The following STPG2 variants were observed in gnomAD, a reference collection of about 807,000 sequenced individuals.
STPG2 encodes the protein sperm-tail PG-rich repeat-containing protein 2.
In STPG2, 56 loss-of-function variants were observed where a neutral mutation model predicts 54.2. The observed-to-expected ratio is 1.03, with a 90% confidence interval of 0.83 to 1.29. The LOEUF is 1.29. STPG2 is among the 50% of genes most tolerant of loss of function. The pLI, the probability that STPG2 is intolerant of heterozygous loss-of-function variation, is 0.00. For synonymous variants in STPG2, 200 were observed against 181.8 expected, an observed-to-expected ratio of 1.10 and a Z score of -0.81; for missense variants, 596 against 544.9, an observed-to-expected ratio of 1.09 and a Z score of -0.93.
chr4:97,457,270 T>G (rs1258344934), intron 4 of STPG2, among the ~76,000 whole-genome samples: 1 of 152,242 alleles, frequency 6.6e-6, no homozygotes, highest in Non-Finnish European at 1.5e-5. Flanking sequence ...CCAGATGAAA[T>G]GAACACTTAT....
chr4:98,132,929 T>G (rs978817439), intron 2 of STPG2, among the ~76,000 whole-genome samples: 3 of 142,774 alleles, frequency 2.1e-5, no homozygotes, highest in African/African-American at 7.9e-5. Context: ...TTAGAAAAAT[T>G]TTTACCCCTG....
chr4:97,794,780 C>T (rs1026799370), intron 9 of STPG2, among the ~76,000 whole-genome samples: 3 of 152,108 alleles, frequency 2.0e-5, no homozygotes, highest in African/African-American at 7.2e-5. Flanking sequence ...AACAATAGTG[C>T]AGTTTTTCCA....
intron 5 of STPG2, among the ~76,000 whole-genome samples, chr4:98,068,066 A>T (rs1027013126): frequency 6.6e-6 from 1 of 152,074 alleles, no homozygotes; most frequent in African/African-American, 2.4e-5. Flanking sequence ...AGTAATTCAT[A>T]ATCTTTTGTA....
intron 9 of STPG2, among the ~76,000 whole-genome samples, chr4:97,783,258 G>A (rs1726710851): frequency 6.6e-6 from 1 of 152,142 alleles, no homozygotes; most frequent in Admixed American, 6.5e-5. Context: ...ATCAAAAAGT[G>A]GCCAAAGGAT....
chr4:98,075,320 C>T (rs1468795824), intron 5 of STPG2, among the ~76,000 whole-genome samples: 10 of 152,184 alleles, frequency 6.6e-5, no homozygotes, highest in Non-Finnish European at 1.2e-4. Flanking sequence ...GTGAGGATTG[C>T]TTTTCTGTGC....
intron 8 of STPG2, among the ~76,000 whole-genome samples, chr4:97,894,372 C>T (rs1278219158): frequency 6.6e-6 from 1 of 151,908 alleles, no homozygotes; most frequent in African/African-American, 2.4e-5. Flanking sequence ...TACAATTTCC[C>T]ATTGTAACTA....
intron 5 of STPG2, among the ~76,000 whole-genome samples, chr4:98,040,565 T>C (rs1030175614): frequency 3.3e-5 from 5 of 151,784 alleles, no homozygotes; most frequent in African/African-American, 1.2e-4. Context: ...CACCATTTAT[T>C]GACTAAGGAC....
intron 4 of STPG2, among the ~76,000 whole-genome samples, chr4:97,529,718 A>G (rs1459157211): frequency 1.3e-5 from 2 of 152,128 alleles, no homozygotes; most frequent in Admixed American, 6.5e-5. Context: ...GGGAGCATGT[A>G]TGTATCCAAG....
Position 98,128,554 on chromosome 4 carries a change from A to T in STPG2, c.261T>A (p.Asp87Glu). ...TTCCACAAGAAGGAATTGAAGGAAC[A>T]TCAACACTTCTGGTAAGTGTAGGTG... ...SRSPTLTRSV[D>E]VPSIPSCGKS... Residue 87 changes from aspartate to glutamate, a missense_variant, in exon 3 of 11, where the codon GAT becomes GAA. Physicochemically the swap from Asp to Glu is conservative, Grantham distance 45. Transcript: ENST00000295268. The T allele has an allele frequency of 2.5e-6, 4 of 1,611,540 alleles. No individual in the cohort carries two copies. The highest frequency in any genetic ancestry group is 3.4e-6 in the Non-Finnish European group (4 of 1,179,310).
At chr4:97,853,004 T>A (rs1221892764) in intron 8 of STPG2, among the ~76,000 whole-genome samples, 1 of 122,308 alleles carries the variant, frequency 8.2e-6, no homozygotes, top group Non-Finnish European at 1.6e-5. Context: ...TGAGACAGAG[T>A]CTCACTCTGT....
intron 5 of STPG2, among the ~76,000 whole-genome samples, chr4:97,992,452 G>A (rs933895690): frequency 1.3e-5 from 2 of 152,106 alleles, no homozygotes; most frequent in Non-Finnish European, 2.9e-5. Flanking sequence ...TGTTCCATTG[G>A]TCTGTGTGCC....
rs1293773255 is a variant in STPG2, at chr4:97,660,126, C to T, written c.1320+52573G>A. 2.6e-5 allele frequency among the ~76,000 whole-genome samples: 4 copies of T among 152,180 alleles called. No homozygotes were observed. The East Asian group carries it at 7.8e-4, about 29-fold the overall frequency. ...CACACCATTCTCCTGCCTCAGCCTCCTGAGTAGCTGGGACTACAGGCGCCC... is the reference window on the plus strand; with the variant it reads ...CACACCATTCTCCTGCCTCAGCCTCTTGAGTAGCTGGGACTACAGGCGCCC... On this transcript the variant is annotated intron_variant, in intron 10 of 10. Coordinates refer to ENST00000295268, the MANE Select transcript of STPG2 (RefSeq NM_174952.3).
At chr4:97,712,041 A>G (rs988226992) in intron 10 of STPG2, among the ~76,000 whole-genome samples, 13 of 152,158 alleles carry the variant, frequency 8.5e-5, no homozygotes, top group Non-Finnish European at 1.2e-4. Context: ...AGCCCCAAAA[A>G]GAACATTCAT....
chr4:98,073,258 T>C (rs1213102707), intron 5 of STPG2, among the ~76,000 whole-genome samples: 1 of 152,158 alleles, frequency 6.6e-6, no homozygotes, highest in Non-Finnish European at 1.5e-5. Context: ...AATCCAGTCA[T>C]AGAGTCTAAT....
intron 1 of STPG2, among the ~76,000 whole-genome samples, chr4:98,138,042 T>C (rs2110171188): frequency 6.6e-6 from 1 of 152,138 alleles, no homozygotes; most frequent in African/African-American, 2.4e-5. Context: ...GGGTGACCAA[T>C]TAACAAATGA....
chr4:97,971,832 T>C (rs1422929669), intron 7 of STPG2, among the ~76,000 whole-genome samples: 1 of 151,466 alleles, frequency 6.6e-6, no homozygotes, highest in Non-Finnish European at 1.5e-5. Flanking sequence ...AAAATCATAA[T>C]TTAAAAAAAT....
chr4:97,689,875 A>C (rs1202479151), intron 10 of STPG2, among the ~76,000 whole-genome samples: 1 of 152,038 alleles, frequency 6.6e-6, no homozygotes, highest in African/African-American at 2.4e-5. Flanking sequence ...CAAGCATAGA[A>C]ATCTCTAAAA....
At chr4:97,617,818 A>G (rs903695022) in intron 10 of STPG2, among the ~76,000 whole-genome samples, 7 of 152,146 alleles carry the variant, frequency 4.6e-5, no homozygotes, top group African/African-American at 1.7e-4. Flanking sequence ...GAGTGCCAGA[A>G]TAATAGAGGG....
At chr4:98,063,032 G>A (rs1737711586) in intron 5 of STPG2, among the ~76,000 whole-genome samples, 1 of 152,172 alleles carries the variant, frequency 6.6e-6, no homozygotes, top group Non-Finnish European at 1.5e-5. Flanking sequence ...TTACAGGCAT[G>A]AGCCAGCACA....
Sources: gnomAD v4.1 joint callset for allele counts (sites outside exome capture counted in the v4.1 genomes callset) on GRCh38, gnomAD v4.1.1 for gene constraint, MANE v1.5 for transcripts, NCBI Gene and HGNC (gene_info 2026-07-23, HGNC 2026-07-21) for gene names.